DMXL2: variants seen among roughly 807,000 people sequenced by gnomAD.
DMXL2 encodes Dmx like 2.
DMXL2 carries 103 observed loss-of-function variants against 331.1 expected under a neutral mutation model. The ratio of observed to expected loss-of-function variants is 0.31; its 90% CI spans 0.27 to 0.37. The LOEUF (loss-of-function observed/expected upper bound fraction) is 0.37, where lower values mean the gene tolerates loss of function less well. Ranked by LOEUF, DMXL2 falls within the 10% of genes least tolerant of loss-of-function variation. The pLI, the probability that DMXL2 is intolerant of heterozygous loss-of-function variation, is 1.00. For missense variants in DMXL2, 3,171 were observed against 3,642.9 expected, an observed-to-expected ratio of 0.87 and a Z score of 3.33; for synonymous variants, 1,281 against 1,252.1, an observed-to-expected ratio of 1.02 and a Z score of -0.49.
chr15:51,537,710 A>G lies in DMXL2; in HGVS notation c.1395T>C (p.His465=), dbSNP rs1596170312. The change falls in exon 11 of 44, where the codon CAT becomes CAC. Residue 465 remains histidine (H), a synonymous_variant. Coordinates refer to ENST00000560891, the MANE Select transcript of DMXL2 (RefSeq NM_001378457.1). ...ESEAGTGSSE[H]EDGEREGSPR... is the part of the protein sequence containing the mutation. ...GACTTCCTTCTCTTTCTCCATCTTC[A>G]TGTTCTGATGATCCTGTACCTGCCT... The G allele has an allele frequency of 6.2e-7, 1 of 1,613,802 alleles. No homozygotes were observed. The highest frequency in any genetic ancestry group is 8.5e-7 in the Non-Finnish European group (1 of 1,179,826).
intron 13 of DMXL2, among the ~76,000 whole-genome samples, chr15:51,518,573 C>T (rs550525510): frequency 3.3e-5 from 5 of 152,208 alleles, no homozygotes; most frequent in African/African-American, 9.6e-5. Context: ...AGGATTCATG[C>T]GTATATTAAA....
At chr15:51,551,268 G>C (rs1477361271) in intron 6 of DMXL2, among the ~76,000 whole-genome samples, 2 of 152,092 alleles carry the variant, frequency 1.3e-5, no homozygotes, top group Non-Finnish European at 2.9e-5. Flanking sequence ...TACCAGAAAA[G>C]CATTATCTTT....
intron 19 of DMXL2, 49 bp downstream of exon 19, chr15:51,494,975 C>T: frequency 7.3e-7 from 1 of 1,369,290 alleles, no homozygotes; most frequent in Non-Finnish European, 1.0e-6. Flanking sequence ...CCCCATCGCT[C>T]CAATATTAAG....
At chr15:51,450,647 C>A in intron 42 of DMXL2, 1 of 363,384 alleles carries the variant, frequency 2.8e-6, no homozygotes. Context: ...GAGCAGAGAC[C>A]AACCTTCTCA....
At chr15:51,591,218 C>T (rs768365677) in intron 1 of DMXL2, among the ~76,000 whole-genome samples, 3 of 152,214 alleles carry the variant, frequency 2.0e-5, no homozygotes, top group African/African-American at 2.4e-5. Flanking sequence ...CCTGGAAAAT[C>T]GGGTCACTCC....
chr15:51,556,883 G>T (rs547614094), intron 6 of DMXL2, among the ~76,000 whole-genome samples: 1 of 152,186 alleles, frequency 6.6e-6, no homozygotes, highest in African/African-American at 2.4e-5. Flanking sequence ...TAGAAGGAAA[G>T]TTTCTTTATC....
intron 37 of DMXL2, 37 bp from the exon 38 acceptor site, chr15:51,456,406 T>C: frequency 7.8e-7 from 1 of 1,288,802 alleles, no homozygotes; most frequent in Non-Finnish European, 1.1e-6. Context: ...ATTTTGTGTA[T>C]GCAGAAAAGA....
Position 51,507,069 on chromosome 15 carries a change from G to C in DMXL2, c.2764+65C>G, listed in dbSNP as rs1043428562. On this transcript the variant is annotated intron_variant, in intron 16 of 43. Transcript: ENST00000560891. ...ACTTCATTTTACAGAATTAACCAAA[G>C]TAAAGCATATTCTATAAAATAAATT... The C allele has an allele frequency of 4.7e-6, 6 of 1,287,568 alleles. No individual in the cohort carries two copies. The East Asian group carries it at 1.6e-4, about 35-fold the overall frequency. 79.8% of individuals were successfully genotyped at this position (1,287,568 alleles called of 1,614,324 possible).
chr15:51,476,684 G>C lies in DMXL2; in HGVS notation c.6869C>G (p.Ala2290Gly). 1.2e-6 allele frequency: 2 copies of C among 1,608,900 alleles called. No homozygotes were observed. Among genetic ancestry groups the C allele is most frequent in the Non-Finnish European group, 1.7e-6 (2 of 1,178,458 alleles). The change falls in exon 27 of 44, where the codon GCT (alanine) becomes GGT (glycine). Residue 2290 changes from alanine (A) to glycine (G), a missense_variant. Coordinates refer to ENST00000560891, the MANE Select transcript of DMXL2 (RefSeq NM_001378457.1). ...QTEGNQFTGMAYQGLLLSDRR... is the reference protein window; with the variant it reads ...QTEGNQFTGMGYQGLLLSDRR... ...ATCACTTAAAAGAAGTCCTTGATAAGCCATTCCTGTAAACTGATTTCCTTC... is the reference window on the plus strand; with the variant it reads ...ATCACTTAAAAGAAGTCCTTGATAACCCATTCCTGTAAACTGATTTCCTTC...
In DMXL2 at chr15:51,609,940, A is replaced by AAAC. The variant is rs1555450322; in HGVS notation, c.87+12518_87+12519insGTT. Among the ~76,000 whole-genome samples the AAAC allele has an allele frequency of 8.8e-3, 1,331 of 150,998 alleles. 17 individuals are homozygous for AAAC. The highest frequency in any genetic ancestry group is 0.03 in the African/African-American group (1,235 of 41,192). On this transcript the variant is annotated intron_variant, in intron 1 of 43. Transcript: ENST00000560891. ...AGTGAAAGTCAGTCTTAAAAAAAAA[A>AAAC]AAAAAAACTATCTAGGTTTGTGTAA...
chr15:51,565,264 G>T, intron 3 of DMXL2, 98 bp from the exon 4 acceptor site: 1 of 664,466 alleles, frequency 1.5e-6, no homozygotes, highest in Non-Finnish European at 2.4e-6. Flanking sequence ...TTCAACTTAA[G>T]ACTTTAAGAT....
Position 51,465,654 on chromosome 15 carries a change from G to A in DMXL2, c.7521-3C>T. 6.3e-7 allele frequency: 1 copy of A among 1,576,092 alleles called. No homozygotes were observed. The highest frequency in any genetic ancestry group is 8.6e-7 in the Non-Finnish European group (1 of 1,163,278). On this transcript the variant is annotated splice_region_variant and splice_polypyrimidine_tract_variant and intron_variant, in intron 30 of 43. Transcript: ENST00000560891. ...TTGTCAAATGTAGAAGAGCCCAGCTGTTCAAGGAGGGGCAAAAAGAGTCTT... is the reference window on the plus strand; with the variant it reads ...TTGTCAAATGTAGAAGAGCCCAGCTATTCAAGGAGGGGCAAAAAGAGTCTT...
intron 38 of DMXL2, 25 bp from the exon 39 acceptor site, chr15:51,456,218 A>AAAT (rs772463836): frequency 1.2e-6 from 2 of 1,603,560 alleles, no homozygotes; most frequent in South Asian, 2.2e-5. Context: ...AAAAAGCAGG[A>AAAT]AATAAGAAAT....
chr15:51,600,291 G>A (rs879269803), intron 1 of DMXL2, among the ~76,000 whole-genome samples: 3 of 152,114 alleles, frequency 2.0e-5, no homozygotes, highest in Non-Finnish European at 4.4e-5. Flanking sequence ...CCTTTTAGGA[G>A]AGCTAGGTAG....
chr15:51,598,394 A>T (rs753827709), intron 1 of DMXL2, among the ~76,000 whole-genome samples: 1 of 152,308 alleles, frequency 6.6e-6, no homozygotes, highest in East Asian at 1.9e-4. Context: ...CCCCTTAAAA[A>T]TGTCTTATAT....
intron 1 of DMXL2, among the ~76,000 whole-genome samples, chr15:51,590,859 GGAGA>G (rs139652496): frequency 6.6e-6 from 1 of 152,092 alleles, no homozygotes; most frequent in Non-Finnish European, 1.5e-5. Flanking sequence ...TAGGACAGGA[GGAGA>G]GAGAGAGAAG....
chr15:51,514,968 A>G lies in DMXL2; in HGVS notation c.2527-409T>C, dbSNP rs1365681184. Among the ~76,000 whole-genome samples, 7 of 152,274 alleles carry G rather than the reference A, an allele frequency of 4.6e-5. No individual in the cohort carries two copies. In the East Asian group the frequency reaches 1.2e-3, roughly 25 times the overall value. ...ACTATGTAAGACACACTAGACTACT[A>G]CACAACTTGTAATTTTTTCAATTCC... On this transcript the variant is annotated intron_variant, in intron 14 of 43. Coordinates refer to ENST00000560891, the MANE Select transcript of DMXL2 (RefSeq NM_001378457.1).
rs1454089066 is a variant in DMXL2, at chr15:51,465,590, G to T, written c.7582C>A (p.Pro2528Thr). Residue 2528 changes from proline (P) to threonine (T), a missense_variant, in exon 31 of 44, where the codon CCT becomes ACT. Pro to Thr is a conservative substitution (Grantham distance 38). Transcript: ENST00000560891. ...LALHNVKNFF[P>T]IAGLEFSELP... is the part of the protein sequence containing the mutation. ...CCAGAGAATTCCAGTCCAGCAATAG[G>T]AAAGAAATTCTTGACATTGTGAAGT... The T allele has an allele frequency of 6.2e-7, 1 of 1,606,826 alleles. No homozygotes were observed. The highest frequency in any genetic ancestry group is 1.7e-5 in the Admixed American group (1 of 58,718).
At chr15:51,471,151 T>G in intron 29 of DMXL2, 72 bp downstream of exon 29, 53 of 1,412,638 alleles carry the variant, frequency 3.8e-5, no homozygotes, top group Middle Eastern at 1.9e-4. Context: ...CATTCCTATG[T>G]GAGACACATG....
Sources: gnomAD v4.1 joint callset for allele counts (sites outside exome capture counted in the v4.1 genomes callset) on GRCh38, gnomAD v4.1.1 for gene constraint, MANE v1.5 for transcripts, NCBI Gene and HGNC (gene_info 2026-07-23, HGNC 2026-07-21) for gene names.